WDFY2: variants seen among roughly 807,000 people sequenced by gnomAD.
WDFY2 encodes WD repeat and FYVE domain-containing protein 2.
WDFY2 carries 36 observed loss-of-function variants against 56.4 expected under a neutral mutation model. The ratio of observed to expected loss-of-function variants is 0.64; its 90% CI spans 0.49 to 0.84. The LOEUF (loss-of-function observed/expected upper bound fraction) is 0.84. WDFY2 is among the 40% of genes least tolerant of loss of function. WDFY2 has a pLI of 0.00. For synonymous variants in WDFY2, 176 were observed against 183.7 expected, an observed-to-expected ratio of 0.96 and a Z score of 0.34; for missense variants, 444 against 512.2, an observed-to-expected ratio of 0.87 and a Z score of 1.29.
chr13:51,660,012 A>G (rs941982863), intron 1 of WDFY2, among the ~76,000 whole-genome samples: 1 of 152,228 alleles, frequency 6.6e-6, no homozygotes, highest in Non-Finnish European at 1.5e-5. Context: ...AAGAACGAAA[A>G]TAATAATTTT....
chr13:51,660,773 T>C, intron 2 of WDFY2, 110 bp downstream of exon 2: 1 of 881,990 alleles, frequency 1.1e-6, no homozygotes, highest in South Asian at 1.5e-5. Context: ...CTCATTATAA[T>C]GAAAAGTACC....
In WDFY2 at chr13:51,690,502, A is replaced by C. The variant is rs1385716881; in HGVS notation, c.280-13094A>C. On this transcript the variant is annotated intron_variant, in intron 3 of 11. Coordinates refer to ENST00000298125, the MANE Select transcript of WDFY2 (RefSeq NM_052950.4). ...AGAATAATGATTTCCAATTTCATCC[A>C]TGTCCCTACAAAGGACGTGAACTCA... 4.6e-5 allele frequency among the ~76,000 whole-genome samples: 7 copies of C among 152,012 alleles called. No homozygotes were observed. In the East Asian group the frequency reaches 1.3e-3, roughly 29 times the overall value.
At chr13:51,756,728 A>C (rs893821524) in intron 10 of WDFY2, 2 of 799,558 alleles carry the variant, frequency 2.5e-6, no homozygotes, top group African/African-American at 3.7e-5. Flanking sequence ...CTGCTCCCAG[A>C]ACAAACCCTT....
Position 51,675,195 on chromosome 13 carries a change from C to T in WDFY2, c.231C>T (p.Asn77=), listed in dbSNP as rs757917030. 1 of 1,613,844 alleles carries T rather than the reference C, an allele frequency of 6.2e-7. No homozygotes were observed. The highest frequency in any genetic ancestry group is 1.3e-5 in the African/African-American group (1 of 74,986). The stretch of plus-strand genomic sequence containing the variant: ...CTCCATGTTCATGCATGTCTTTTAA[C>T]CCGGAAACAAGAAGACTGTCCATAG... ...MPSPCSCMSF[N]PETRRLSIGL... Residue 77 remains asparagine, a synonymous_variant, in exon 3 of 12, where the codon AAC becomes AAT. Transcript: ENST00000298125.
intron 1 of WDFY2, among the ~76,000 whole-genome samples, chr13:51,628,425 G>A (rs1166044951): frequency 6.6e-6 from 1 of 152,252 alleles, no homozygotes; most frequent in Non-Finnish European, 1.5e-5. Flanking sequence ...GTCTTTTTGA[G>A]CCTGTGGGGA....
chr13:51,667,924 C>G (rs1445138892), intron 2 of WDFY2, among the ~76,000 whole-genome samples: 3 of 98,636 alleles, frequency 3.0e-5, no homozygotes, highest in Non-Finnish European at 3.5e-5. Context: ...TGGAGTCTTG[C>G]TCTGTCACCC....
intron 3 of WDFY2, among the ~76,000 whole-genome samples, chr13:51,677,716 A>G (rs1955910881): frequency 6.6e-6 from 1 of 152,164 alleles, no homozygotes; most frequent in Non-Finnish European, 1.5e-5. Flanking sequence ...AATAAGACGT[A>G]GAGACCATTC....
Position 51,758,245 on chromosome 13 carries a change from A to T in WDFY2, c.1118A>T (p.His373Leu). 4 of 1,602,906 alleles carry T rather than the reference A, an allele frequency of 2.5e-6. No homozygotes were observed. The highest frequency in any genetic ancestry group is 3.4e-6 in the Non-Finnish European group (4 of 1,171,222). ...AGTAAACATAACATTGTGCATGTGC[A>T]TTTCGATGCAACCAGAGGATGGTTA... ...HDSKHNIVHV[H>L]FDATRGWLLT... Residue 373 changes from histidine to leucine, a missense_variant, in exon 11 of 12, where the codon CAT becomes CTT. By Grantham distance (99) the His-to-Leu change is moderately conservative (BLOSUM62 -3). Coordinates refer to ENST00000298125, the MANE Select transcript of WDFY2 (RefSeq NM_052950.4).
chr13:51,640,279 C>G (rs1955130688), intron 1 of WDFY2, among the ~76,000 whole-genome samples: 1 of 152,134 alleles, frequency 6.6e-6, no homozygotes, highest in Non-Finnish European at 1.5e-5. Flanking sequence ...TGATATGAGT[C>G]AAAAGCTGAA....
chr13:51,663,002 A>C (rs1331416641), intron 2 of WDFY2, among the ~76,000 whole-genome samples: 1 of 152,194 alleles, frequency 6.6e-6, no homozygotes, highest in African/African-American at 2.4e-5. Context: ...GCATTTAACA[A>C]AATCCCTAGA....
rs529929580 is a variant in WDFY2 at position 51,707,001 on chromosome 13, G to GA, written c.334+3357dup. Among the ~76,000 whole-genome samples, 353 of 152,190 alleles carry GA rather than the reference G, an allele frequency of 2.3e-3. 5 individuals carry two copies. Among genetic ancestry groups the GA allele is most frequent in the Admixed American group, 0.02 (309 of 15,292 alleles). On this transcript the variant is annotated intron_variant, in intron 4 of 11. Transcript: ENST00000298125. ...ACAACAAGGAAATAAAACGATTATG[G>GA]AAAAAACAGGAAGATTTTTAAGAGA... is the stretch of plus-strand genomic sequence containing the variant.
At chr13:51,592,125 T>C (rs1023485386) in intron 1 of WDFY2, 2 of 150,904 alleles carry the variant, frequency 1.3e-5, no homozygotes, top group African/African-American at 2.4e-5. Flanking sequence ...ACATGTACCC[T>C]AAAACTTAAA....
intron 1 of WDFY2, among the ~76,000 whole-genome samples, chr13:51,604,936 G>T (rs1954356383): frequency 6.6e-6 from 1 of 152,206 alleles, no homozygotes; most frequent in South Asian, 2.1e-4. Flanking sequence ...TGGGTCAGAT[G>T]GTTCCTGCTT....
chr13:51,644,287 C>G (rs1286933155), intron 1 of WDFY2, among the ~76,000 whole-genome samples: 1 of 152,182 alleles, frequency 6.6e-6, no homozygotes, highest in African/African-American at 2.4e-5. Flanking sequence ...CGAATTAAGA[C>G]CTTGTGGCTC....
intron 1 of WDFY2, among the ~76,000 whole-genome samples, chr13:51,653,366 C>T (rs140898205): frequency 0.01 from 1,572 of 152,286 alleles, 12 homozygotes; most frequent in Middle Eastern, 0.017. Flanking sequence ...TCCTTTAGCT[C>T]GGAAAAGTTT....
chr13:51,683,170 T>C (rs1028029688), intron 3 of WDFY2, among the ~76,000 whole-genome samples: 1 of 152,166 alleles, frequency 6.6e-6, no homozygotes, highest in Non-Finnish European at 1.5e-5. Context: ...CTCCCTTATT[T>C]TCGTGGATTG....
At chr13:51,687,498 A>G (rs1956080154) in intron 3 of WDFY2, among the ~76,000 whole-genome samples, 1 of 151,966 alleles carries the variant, frequency 6.6e-6, no homozygotes, top group Admixed American at 6.6e-5. Flanking sequence ...TGAAGGTTGG[A>G]GGAGTGAGTC....
At chr13:51,740,552 A>G (rs1396414698) in intron 7 of WDFY2, among the ~76,000 whole-genome samples, 2 of 152,168 alleles carry the variant, frequency 1.3e-5, no homozygotes, top group South Asian at 4.1e-4. Context: ...CGTTTCTACT[A>G]AGAATACAAA....
chr13:51,703,266 A>G (rs926323588), intron 3 of WDFY2, among the ~76,000 whole-genome samples: 1 of 152,216 alleles, frequency 6.6e-6, no homozygotes, highest in African/African-American at 2.4e-5. Context: ...GAGCCTTGCA[A>G]ATTTTTAGCT....
Sources: allele counts gnomAD v4.1 joint callset (sites outside exome capture counted in the v4.1 genomes callset), GRCh38; gene constraint gnomAD v4.1.1; transcripts MANE v1.5; gene names NCBI Gene and HGNC (gene_info 2026-07-23, HGNC 2026-07-21).